SOX6: variants seen among roughly 807,000 people sequenced by gnomAD.
SOX6 encodes the protein transcription factor SOX-6.
A neutral mutation model predicts 97.8 loss-of-function variants in SOX6; 11 were observed. The observed-to-expected ratio is 0.11, with a 90% CI of 0.07 to 0.19. The LOEUF (loss-of-function observed/expected upper bound fraction) is 0.19. Among genes scored for constraint, SOX6 ranks in the 10% least tolerant of loss-of-function variants. The pLI is 1.00. For missense variants in SOX6, 810 were observed against 1,039.5 expected, an observed-to-expected ratio of 0.78 and a Z score of 3.04; for synonymous variants, 360 against 371.4, an observed-to-expected ratio of 0.97 and a Z score of 0.35.
At chr11:16,465,544 G>T (rs959712715) in intron 1 of SOX6, among the ~76,000 whole-genome samples, 11 of 152,128 alleles carry the variant, frequency 7.2e-5, no homozygotes, top group Admixed American at 4.6e-4. Context: ...TGATAGGCTT[G>T]TCACCAGCCT....
intron 4 of SOX6, among the ~76,000 whole-genome samples, chr11:16,209,887 G>A (rs191105411): frequency 5.9e-5 from 9 of 152,026 alleles, no homozygotes; most frequent in African/African-American, 1.9e-4. Flanking sequence ...TTTCAGTTTG[G>A]GACAAATTAT....
intron 3 of SOX6, among the ~76,000 whole-genome samples, chr11:16,668,199 C>T (rs1456146356): frequency 6.6e-6 from 1 of 152,040 alleles, no homozygotes; most frequent in African/African-American, 2.4e-5. Flanking sequence ...ATGGGGAAAC[C>T]CCGTCTCCAC....
At chr11:16,551,103 C>T (rs905517276) in intron 4 of SOX6, among the ~76,000 whole-genome samples, 11 of 151,922 alleles carry the variant, frequency 7.2e-5, no homozygotes, top group Non-Finnish European at 1.2e-4. Flanking sequence ...CCCAGCTACT[C>T]GTGAGGCTGA....
At chr11:16,692,461 G>A (rs1047623715) in intron 3 of SOX6, among the ~76,000 whole-genome samples, 2 of 152,060 alleles carry the variant, frequency 1.3e-5, no homozygotes, top group African/African-American at 4.8e-5. Flanking sequence ...AACCTCCTAA[G>A]AAGCTCTTCC....
chr11:16,581,161 G>A (rs1848029188), intron 4 of SOX6, among the ~76,000 whole-genome samples: 1 of 152,094 alleles, frequency 6.6e-6, no homozygotes, highest in Non-Finnish European at 1.5e-5. Flanking sequence ...ATTTATTACA[G>A]CACTATTTAT....
In SOX6 at chr11:16,303,116, A is replaced by G. The variant is rs116784193; in HGVS notation, c.445+15330T>C. Among the ~76,000 whole-genome samples, 1,407 of 152,270 alleles carry G rather than the reference A, an allele frequency of 9.2e-3. 24 individuals are homozygous for G. The highest frequency in any genetic ancestry group is 0.032 in the African/African-American group (1,317 of 41,544). Reference sequence around the variant, plus strand: ...ATAAGCATATGTATGTGTGTATTTAAATATGTATACATATGTTGTTATGTG... The same window carrying G: ...ATAAGCATATGTATGTGTGTATTTAGATATGTATACATATGTTGTTATGTG... On this transcript the variant is annotated intron_variant, in intron 3 of 15. Transcript: ENST00000683767.
At chr11:16,253,918 A>T (rs1853598592) in intron 3 of SOX6, among the ~76,000 whole-genome samples, 1 of 152,144 alleles carries the variant, frequency 6.6e-6, no homozygotes, top group African/African-American at 2.4e-5. Flanking sequence ...ACCTAGGCAC[A>T]TCATATTCAA....
chr11:16,636,852 T>C lies in SOX6; in HGVS notation n.430-24592A>G, dbSNP rs149541248. Among the ~76,000 whole-genome samples the C allele has an allele frequency of 9.6e-4, 146 of 152,270 alleles. 3 individuals carry two copies. In the East Asian group the frequency reaches 0.026, roughly 27 times the overall value. ...TGCTGCTGCCATGTGAAGAAGGACA[T>C]GTTTGCTTCCCCTTCTGCCATGAGT... On this transcript the variant is annotated intron_variant and non_coding_transcript_variant, in intron 3 of 5. Transcript: ENST00000524520.
intron 4 of SOX6, among the ~76,000 whole-genome samples, chr11:16,561,942 G>A (rs1030729377): frequency 1.3e-5 from 2 of 151,854 alleles, no homozygotes; most frequent in Admixed American, 1.3e-4. Context: ...GCCCAGGCAG[G>A]TCTCTAACTC....
At chr11:16,599,481 C>T (rs954221638) in intron 4 of SOX6, among the ~76,000 whole-genome samples, 5 of 152,022 alleles carry the variant, frequency 3.3e-5, no homozygotes, top group Admixed American at 6.6e-5. Context: ...TAAAATCAAA[C>T]GTCCCTCTAT....
intron 10 of SOX6, among the ~76,000 whole-genome samples, chr11:16,054,321 T>G (rs1219201439): frequency 6.6e-6 from 1 of 152,090 alleles, no homozygotes; most frequent in Non-Finnish European, 1.5e-5. Context: ...TGAGTTGGAG[T>G]GTTCTCTTAT....
intron 1 of SOX6, among the ~76,000 whole-genome samples, chr11:16,420,846 A>G (rs1290834503): frequency 6.6e-6 from 1 of 152,166 alleles, no homozygotes; most frequent in African/African-American, 2.4e-5. Context: ...TTTATCAAAG[A>G]TATCCAAGAG....
At chr11:16,292,688 G>A (rs112566809) in intron 3 of SOX6, among the ~76,000 whole-genome samples, 280 of 152,268 alleles carry the variant, frequency 1.8e-3, no homozygotes, top group African/African-American at 5.6e-3. Context: ...ATACCCCGAC[G>A]GATAGGCTGA....
At chr11:16,222,323 C>T (rs1365278937) in intron 4 of SOX6, among the ~76,000 whole-genome samples, 6 of 152,080 alleles carry the variant, frequency 3.9e-5, no homozygotes, top group Non-Finnish European at 8.8e-5. Context: ...AACGATCTGC[C>T]TGCCTCAGCT....
chr11:16,318,711 G>A, intron 2 of SOX6, 58 bp from the exon 3 acceptor site: 1 of 1,499,408 alleles, frequency 6.7e-7, no homozygotes, highest in Middle Eastern at 2.0e-4. Flanking sequence ...CATGCTACTG[G>A]AGAAAAAAAT....
intron 1 of SOX6, among the ~76,000 whole-genome samples, chr11:16,401,213 A>C (rs1046678136): frequency 4.6e-5 from 7 of 151,542 alleles, no homozygotes; most frequent in African/African-American, 1.7e-4. Flanking sequence ...ACGCATATGA[A>C]AGTATCTCAC....
chr11:16,332,707 C>T (rs1454643489), intron 2 of SOX6, among the ~76,000 whole-genome samples: 1 of 152,026 alleles, frequency 6.6e-6, no homozygotes, highest in African/African-American at 2.4e-5. Flanking sequence ...GTGGTTTACA[C>T]AGATATATTA....
chr11:16,075,559 G>T (rs897633164), intron 9 of SOX6, among the ~76,000 whole-genome samples: 1 of 152,092 alleles, frequency 6.6e-6, no homozygotes. Context: ...CACAAGGACA[G>T]AAAACCAAAC....
At chr11:16,417,135 T>A (rs1351051913) in intron 1 of SOX6, among the ~76,000 whole-genome samples, 1 of 152,118 alleles carries the variant, frequency 6.6e-6, no homozygotes, top group Admixed American at 6.6e-5. Flanking sequence ...AATCCAAATG[T>A]GCTTTTTTTA....
Sources: allele counts gnomAD v4.1 joint callset (sites outside exome capture counted in the v4.1 genomes callset), GRCh38; gene constraint gnomAD v4.1.1; transcripts MANE v1.5; gene names NCBI Gene and HGNC (gene_info 2026-07-23, HGNC 2026-07-21).